The following NIBAN1 variants were observed in gnomAD, a reference collection of about 807,000 sequenced individuals.
The protein encoded by NIBAN1 is niban apoptosis regulator 1, also known as protein Niban 1.
Under a neutral mutation model 75.1 loss-of-function variants are expected in NIBAN1, and 81 were observed. The observed-to-expected ratio is 1.08, with a 90% CI of 0.90 to 1.30. The LOEUF is 1.30. NIBAN1 is among the 50% of genes most tolerant of loss of function. The probability of loss-of-function intolerance (pLI) is 0.00; values close to 1 mark genes in which losing one functional copy is unlikely to be tolerated. For synonymous variants in NIBAN1, 436 were observed against 424.8 expected (o/e 1.03, Z -0.32); for missense variants, 1,133 against 1,128.1 (o/e 1.00, Z -0.06).
chr1:184,937,960 T>C (rs1658003496), intron 1 of NIBAN1, among the ~76,000 whole-genome samples: 2 of 152,264 alleles, frequency 1.3e-5, no homozygotes, highest in South Asian at 4.1e-4. Flanking sequence ...AGGCTTGAAC[T>C]GAAACTTGGC....
At chr1:184,880,637 AATG>A (rs1656353120) in intron 5 of NIBAN1, among the ~76,000 whole-genome samples, 1 of 152,188 alleles carries the variant, frequency 6.6e-6, no homozygotes, top group Non-Finnish European at 1.5e-5. Context: ...CATGCCAAGA[AATG>A]ATTATCCTGA....
chr1:184,846,047 A>G (rs1655435066), intron 5 of NIBAN1, among the ~76,000 whole-genome samples: 1 of 86,462 alleles, frequency 1.2e-5, no homozygotes, highest in Non-Finnish European at 2.3e-5. Flanking sequence ...AGGCTGGGGG[A>G]GGGGCACCCG....
intron 6 of NIBAN1, among the ~76,000 whole-genome samples, chr1:184,829,334 G>A (rs1400377489): frequency 1.3e-5 from 2 of 151,750 alleles, no homozygotes; most frequent in African/African-American, 2.4e-5. Flanking sequence ...TGTGTGTCTC[G>A]CCTCACCATG....
At chr1:184,965,743 C>T (rs569831525) in intron 1 of NIBAN1, among the ~76,000 whole-genome samples, 1 of 152,140 alleles carries the variant, frequency 6.6e-6, no homozygotes, top group African/African-American at 2.4e-5. Flanking sequence ...CAACAAGCCC[C>T]CACGGCGCTT....
intron 1 of NIBAN1, among the ~76,000 whole-genome samples, chr1:184,935,438 G>A (rs1657930332): frequency 6.6e-6 from 1 of 152,088 alleles, no homozygotes; most frequent in Non-Finnish European, 1.5e-5. Flanking sequence ...AGCCCAGGAG[G>A]TTGAGGCTGC....
intron 9 of NIBAN1, among the ~76,000 whole-genome samples, chr1:184,816,624 A>G (rs962274702): frequency 8.5e-5 from 13 of 152,334 alleles, no homozygotes; most frequent in African/African-American, 3.1e-4. Context: ...TAGGGCTTTA[A>G]GAAAACACAT....
At chr1:184,935,955 G>A (rs1160444096) in intron 1 of NIBAN1, among the ~76,000 whole-genome samples, 1 of 150,286 alleles carries the variant, frequency 6.7e-6, no homozygotes, top group Non-Finnish European at 1.5e-5. Context: ...ACTAGTGAGA[G>A]AGTTGCAGGA....
intron 1 of NIBAN1, among the ~76,000 whole-genome samples, chr1:184,952,651 C>T (rs1475733026): frequency 3.3e-5 from 5 of 152,188 alleles, no homozygotes; most frequent in South Asian, 2.1e-4. Flanking sequence ...AAAGCCTTCC[C>T]GGGCCACATG....
chr1:184,867,490 GA>G (rs1655989445), intron 5 of NIBAN1, among the ~76,000 whole-genome samples: 1 of 151,900 alleles, frequency 6.6e-6, no homozygotes, highest in African/African-American at 2.4e-5. Flanking sequence ...GCCTGGAGAA[GA>G]AAAAAAGAAG....
In NIBAN1 at chr1:184,900,676, GAGA is replaced by G. The variant is rs138298120; in HGVS notation, c.56-1370_56-1368del. On this transcript the variant is annotated intron_variant, in intron 1 of 13. Coordinates refer to ENST00000367511, the MANE Select transcript of NIBAN1 (RefSeq NM_052966.4). The stretch of plus-strand genomic sequence containing the variant: ...TATGGAAATTGCAAAGGAGGGAAGA[GAGA>G]AGGAGGAATAGAGGGGAAAGGGTGG... Among the ~76,000 whole-genome samples, 7 of 152,230 alleles carry G rather than the reference GAGA, an allele frequency of 4.6e-5. No homozygotes were observed. The East Asian group carries it at 1.4e-3, about 29-fold the overall frequency.
At chr1:184,838,620 T>G (rs1013593883) in intron 5 of NIBAN1, among the ~76,000 whole-genome samples, 3 of 152,136 alleles carry the variant, frequency 2.0e-5, no homozygotes, top group Non-Finnish European at 1.5e-5. Flanking sequence ...AAGGAAAACT[T>G]CTCTAGGCCT....
At chr1:184,851,644 T>TAA (rs67240290) in intron 5 of NIBAN1, among the ~76,000 whole-genome samples, 9 of 115,664 alleles carry the variant, frequency 7.8e-5, no homozygotes, top group South Asian at 3.0e-4. Flanking sequence ...AAAAAAAAAT[T>TAA]AAAAAAAAAA....
chr1:184,961,843 A>T (rs1658659410), intron 1 of NIBAN1, among the ~76,000 whole-genome samples: 1 of 152,272 alleles, frequency 6.6e-6, no homozygotes, highest in Non-Finnish European at 1.5e-5. Context: ...AAGAATAGAC[A>T]GATCTCTTTT....
chr1:184,895,120 T>C (rs927035631), intron 2 of NIBAN1, among the ~76,000 whole-genome samples: 7 of 152,186 alleles, frequency 4.6e-5, no homozygotes, highest in African/African-American at 1.7e-4. Context: ...CTTTTAAGAA[T>C]AATCTAAGGG....
chr1:184,854,121 T>C (rs922572212), intron 5 of NIBAN1, among the ~76,000 whole-genome samples: 8 of 152,228 alleles, frequency 5.3e-5, no homozygotes, highest in African/African-American at 1.9e-4. Context: ...GTGCCTTTTA[T>C]ACCTACAGCA....
intron 5 of NIBAN1, among the ~76,000 whole-genome samples, chr1:184,874,253 GAAACAGA>G (rs1656179226): frequency 6.6e-6 from 1 of 151,798 alleles, no homozygotes; most frequent in East Asian, 1.9e-4. Flanking sequence ...TAGAAGAAAG[GAAACAGA>G]AAAGGTGGGA....
intron 1 of NIBAN1, among the ~76,000 whole-genome samples, chr1:184,920,874 C>A (rs1657514353): frequency 2.0e-5 from 3 of 152,156 alleles, no homozygotes; most frequent in Non-Finnish European, 4.4e-5. Context: ...TGGCTCACGC[C>A]TGTAATCCAA....
chr1:184,969,718 G>C (rs2102093957), intron 1 of NIBAN1, among the ~76,000 whole-genome samples: 1 of 150,104 alleles, frequency 6.7e-6, no homozygotes. Context: ...TAAAGAGAGA[G>C]ACAAGGTCTT....
At chr1:184,818,961 T>G (rs1451792565) in intron 8 of NIBAN1, 136 bp from the exon 9 acceptor site, 3 of 894,136 alleles carry the variant, frequency 3.4e-6, no homozygotes, top group Non-Finnish European at 4.9e-6. Flanking sequence ...CATGACAGAC[T>G]AGCACAATGA....
Sources: allele counts gnomAD v4.1 joint callset (sites outside exome capture counted in the v4.1 genomes callset), GRCh38; gene constraint gnomAD v4.1.1; transcripts MANE v1.5; gene names NCBI Gene and HGNC (gene_info 2026-07-23, HGNC 2026-07-21).